The following CLSTN2 variants were observed in gnomAD, a reference collection of about 807,000 sequenced individuals.
The protein encoded by CLSTN2 is calsyntenin 2.
Under a neutral mutation model 101.2 loss-of-function variants are expected in CLSTN2, and 48 were observed. That is an observed-to-expected ratio of 0.47 (90% CI 0.38 to 0.60). The LOEUF (loss-of-function observed/expected upper bound fraction) is 0.60. Ranked by LOEUF, CLSTN2 falls within the 20% of genes least tolerant of loss-of-function variation. The probability of loss-of-function intolerance (pLI) is 0.00; values close to 1 mark genes in which losing one functional copy is unlikely to be tolerated. For synonymous variants in CLSTN2, 481 were observed against 463.6 expected (o/e 1.04, Z -0.48); for missense variants, 1,160 against 1,238.2 (o/e 0.94, Z 0.95).
intron 2 of CLSTN2, among the ~76,000 whole-genome samples, chr3:140,282,700 C>T (rs564285294): frequency 6.6e-4 from 100 of 152,282 alleles, no homozygotes; most frequent in African/African-American, 2.3e-3. Flanking sequence ...AGAAAACCAA[C>T]TTATAGAGTG....
At chr3:140,232,560 C>T (rs955983164) in intron 2 of CLSTN2, among the ~76,000 whole-genome samples, 10 of 152,128 alleles carry the variant, frequency 6.6e-5, no homozygotes, top group Non-Finnish European at 1.5e-5. Flanking sequence ...TTCCAAATCC[C>T]AACCTCCTGC....
intron 1 of CLSTN2, among the ~76,000 whole-genome samples, chr3:140,042,818 G>C (rs139327815): frequency 0.013 from 1,923 of 152,144 alleles, 48 homozygotes; most frequent in African/African-American, 0.042. Context: ...ATGATGGTTT[G>C]CAGCTTCATC....
intron 1 of CLSTN2, among the ~76,000 whole-genome samples, chr3:140,083,035 A>G (rs2008624730): frequency 6.6e-6 from 1 of 152,154 alleles, no homozygotes; most frequent in Non-Finnish European, 1.5e-5. Context: ...CCCTTCAATA[A>G]TTAAACTTTA....
chr3:140,280,977 A>G (rs899840296), intron 2 of CLSTN2, among the ~76,000 whole-genome samples: 1 of 152,344 alleles, frequency 6.6e-6, no homozygotes, highest in East Asian at 1.9e-4. Flanking sequence ...GGTAGGATCA[A>G]GGATCAGTAA....
chr3:140,240,946 G>C (rs1230439904), intron 2 of CLSTN2, among the ~76,000 whole-genome samples: 1 of 152,082 alleles, frequency 6.6e-6, no homozygotes, highest in Non-Finnish European at 1.5e-5. Flanking sequence ...GTGGGGAGTG[G>C]CATGTATCGA....
intron 4 of CLSTN2, among the ~76,000 whole-genome samples, chr3:140,406,583 C>T (rs985880605): frequency 6.6e-6 from 1 of 152,210 alleles, no homozygotes; most frequent in Admixed American, 6.5e-5. Context: ...TAGTTTCTCC[C>T]ACAGGCTCTG....
chr3:139,954,888 C>A (rs956922524), intron 1 of CLSTN2, among the ~76,000 whole-genome samples: 1 of 151,786 alleles, frequency 6.6e-6, no homozygotes, highest in South Asian at 2.1e-4. Context: ...CTTAGTGCAC[C>A]GAGCCATTGT....
intron 6 of CLSTN2, among the ~76,000 whole-genome samples, chr3:140,453,495 CT>C (rs1933301392): frequency 6.6e-6 from 1 of 152,136 alleles, no homozygotes; most frequent in South Asian, 2.1e-4. Flanking sequence ...TGTGCCAACT[CT>C]TAAAATAATG....
intron 1 of CLSTN2, among the ~76,000 whole-genome samples, chr3:140,063,896 G>A (rs769147532): frequency 7.9e-5 from 12 of 152,168 alleles, no homozygotes; most frequent in Admixed American, 2.6e-4. Context: ...GAACAGCACG[G>A]CCATTTGACC....
At chr3:140,351,892 T>C (rs150995125) in intron 2 of CLSTN2, among the ~76,000 whole-genome samples, 74 of 151,816 alleles carry the variant, frequency 4.9e-4, no homozygotes, top group Non-Finnish European at 9.1e-4. Flanking sequence ...TATAAACAAG[T>C]AAAAATTCCA....
chr3:140,466,705 G>T lies in CLSTN2; in HGVS notation c.1318G>T (p.Ala440Ser), dbSNP rs762157350. Reference protein sequence around the residue: ...DFDQADTFRPAEFHWKLDQIC... With the variant: ...DFDQADTFRPSEFHWKLDQIC... ...CGACCAGGCTGACACCTTTCGCCCC[G>T]CGGAGTTCCACTGGAAGCTGGATCA... is the stretch of plus-strand genomic sequence containing the variant. Residue 440 changes from alanine (A) to serine (S), a missense_variant, in exon 8 of 17, where the codon GCG becomes TCG. Transcript: ENST00000458420. The T allele has an allele frequency of 6.2e-7, 1 of 1,613,926 alleles. No homozygotes were observed. Among genetic ancestry groups the T allele is most frequent in the Non-Finnish European group, 8.5e-7 (1 of 1,180,002 alleles).
intron 5 of CLSTN2, among the ~76,000 whole-genome samples, chr3:140,441,889 C>T (rs1291896845): frequency 6.6e-6 from 1 of 152,196 alleles, no homozygotes; most frequent in East Asian, 1.9e-4. Flanking sequence ...CCGAGCCTCA[C>T]ATATGTCTGC....
chr3:140,216,022 C>T (rs1283255654), intron 2 of CLSTN2, among the ~76,000 whole-genome samples: 2 of 152,158 alleles, frequency 1.3e-5, no homozygotes, highest in Admixed American at 1.3e-4. Context: ...CACGGGACAG[C>T]AGGAGGTGAG....
At chr3:140,482,579 T>G (rs895013230) in intron 8 of CLSTN2, among the ~76,000 whole-genome samples, 2 of 152,206 alleles carry the variant, frequency 1.3e-5, no homozygotes, top group African/African-American at 4.8e-5. Flanking sequence ...TCCTGGACTT[T>G]TTTTGGTTGG....
intron 1 of CLSTN2, among the ~76,000 whole-genome samples, chr3:140,113,664 C>T (rs932728606): frequency 6.6e-6 from 1 of 152,214 alleles, no homozygotes; most frequent in Non-Finnish European, 1.5e-5. Context: ...AAGCATCTTA[C>T]TTACCTTCAT....
At chr3:140,347,891 T>C (rs1475095041) in intron 2 of CLSTN2, among the ~76,000 whole-genome samples, 3 of 152,198 alleles carry the variant, frequency 2.0e-5, no homozygotes, top group Non-Finnish European at 4.4e-5. Context: ...TCCAATCAAC[T>C]AATGCTGGCA....
chr3:140,563,519 G>A lies in CLSTN2; in HGVS notation c.2482+316G>A, dbSNP rs116319423. On this transcript the variant is annotated intron_variant, in intron 15 of 16. Coordinates refer to ENST00000458420, the MANE Select transcript of CLSTN2 (RefSeq NM_022131.3). Reference sequence around the variant, plus strand: ...GCCCTCTACACACACTCACACACACGTACACACCATATTGCAACGTCCTCT... The same window carrying A: ...GCCCTCTACACACACTCACACACACATACACACCATATTGCAACGTCCTCT... Among the ~76,000 whole-genome samples the A allele has an allele frequency of 3.5e-3, 536 of 152,148 alleles. 4 individuals carry two copies. The highest frequency in any genetic ancestry group is 4.6e-3 in the Admixed American group (71 of 15,288).
Position 140,558,622 on chromosome 3 carries a change from C to A in CLSTN2, c.1824-18C>A. The stretch of plus-strand genomic sequence containing the variant: ...AATTGTTTGCTCATCAGTGCCATGA[C>A]CGAGAATGTTTTCCCAGGTGCTTTG... On this transcript the variant is annotated intron_variant, in intron 11 of 16. Coordinates refer to ENST00000458420, the MANE Select transcript of CLSTN2 (RefSeq NM_022131.3). 1 of 1,603,350 alleles carries A rather than the reference C, an allele frequency of 6.2e-7. No homozygotes were observed. The highest frequency in any genetic ancestry group is 8.5e-7 in the Non-Finnish European group (1 of 1,171,142).
intron 9 of CLSTN2, among the ~76,000 whole-genome samples, chr3:140,533,798 T>G (rs1057083231): frequency 2.0e-5 from 3 of 151,634 alleles, no homozygotes; most frequent in Non-Finnish European, 4.4e-5. Flanking sequence ...CCCTGTAGGT[T>G]GGACAAAGTG....
Sources: allele counts gnomAD v4.1 joint callset (sites outside exome capture counted in the v4.1 genomes callset), GRCh38; gene constraint gnomAD v4.1.1; transcripts MANE v1.5; gene names NCBI Gene and HGNC (gene_info 2026-07-23, HGNC 2026-07-21).